Variants in SRBD1 observed in about 807,000 individuals in gnomAD.
SRBD1 encodes S1 RNA binding domain 1.
Under a neutral mutation model 115.3 loss-of-function variants are expected in SRBD1, and 88 were observed. That is an observed-to-expected ratio of 0.76 (90% CI 0.64 to 0.91). The LOEUF is 0.91. Among genes scored for constraint, SRBD1 ranks in the 40% least tolerant of loss-of-function variants. The pLI, the probability that SRBD1 is intolerant of heterozygous loss-of-function variation, is 0.00. For synonymous variants in SRBD1, 509 were observed against 407.7 expected (o/e 1.25, Z -2.99); for missense variants, 1,385 against 1,177.4 (o/e 1.18, Z -2.58).
intron 16 of SRBD1, among the ~76,000 whole-genome samples, chr2:45,453,897 T>C (rs1347482743): frequency 6.6e-6 from 1 of 151,992 alleles, no homozygotes; most frequent in African/African-American, 2.4e-5. Flanking sequence ...GCAACTTTAG[T>C]AGGACAAATG....
At chr2:45,445,579 A>AAAAAG (rs1668798323) in intron 16 of SRBD1, among the ~76,000 whole-genome samples, 20 of 145,964 alleles carry the variant, frequency 1.4e-4, no homozygotes, top group African/African-American at 5.1e-4. Flanking sequence ...AAAAAAAAAA[A>AAAAAG]GTAGAAAAGG....
chr2:45,404,640 T>G lies in SRBD1; in HGVS notation c.2513+8474A>C, dbSNP rs193216316. Among the ~76,000 whole-genome samples, 834 of 152,312 alleles carry G rather than the reference T, an allele frequency of 5.5e-3. 21 individuals are homozygous for G. The highest frequency in any genetic ancestry group is 0.041 in the Admixed American group (625 of 15,280). Reference sequence around the variant, plus strand: ...TATCATCTGGATCTCAGTCATCATCTTTCTCTTGGATTACAGCAATTAGTT... The same window carrying G: ...TATCATCTGGATCTCAGTCATCATCGTTCTCTTGGATTACAGCAATTAGTT... On this transcript the variant is annotated intron_variant, in intron 19 of 20. Coordinates refer to ENST00000263736, the MANE Select transcript of SRBD1 (RefSeq NM_018079.5).
At chr2:45,574,790 T>A in intron 7 of SRBD1, 67 bp from the exon 8 acceptor site, 2 of 1,285,448 alleles carry the variant, frequency 1.6e-6, no homozygotes, top group Non-Finnish European at 2.2e-6. Context: ...ATTCTATAAC[T>A]AAATCACAGT....
At chr2:45,577,823 TA>T (rs565049381) in intron 7 of SRBD1, among the ~76,000 whole-genome samples, 1,785 of 148,202 alleles carry the variant, frequency 0.012, 42 homozygotes, top group African/African-American at 0.039. Flanking sequence ...CTATCAAACT[TA>T]AAAAAAAAAG....
chr2:45,528,748 G>C (rs1671526184), intron 14 of SRBD1, among the ~76,000 whole-genome samples: 1 of 151,852 alleles, frequency 6.6e-6, no homozygotes, highest in Non-Finnish European at 1.5e-5. Flanking sequence ...AAAATATCTG[G>C]AGTGTTGTCT....
At chr2:45,452,676 T>C (rs577051049) in intron 16 of SRBD1, among the ~76,000 whole-genome samples, 5 of 152,144 alleles carry the variant, frequency 3.3e-5, no homozygotes, top group Admixed American at 2.6e-4. Context: ...CCTAGTACTA[T>C]AGCATTCATA....
At chr2:45,543,404 T>C (rs891766820) in intron 14 of SRBD1, among the ~76,000 whole-genome samples, 1 of 152,198 alleles carries the variant, frequency 6.6e-6, no homozygotes, top group African/African-American at 2.4e-5. Flanking sequence ...TGGCATTTGT[T>C]AACCTATGGC....
At chr2:45,541,672 C>G (rs930221876) in intron 14 of SRBD1, among the ~76,000 whole-genome samples, 1 of 152,164 alleles carries the variant, frequency 6.6e-6, no homozygotes. Context: ...CAGGTTATCC[C>G]AATGAGTGTC....
chr2:45,431,793 C>G (rs924767510), intron 16 of SRBD1, among the ~76,000 whole-genome samples: 4 of 151,672 alleles, frequency 2.6e-5, no homozygotes, highest in Admixed American at 6.6e-5. Context: ...AAAACAAAAA[C>G]AAACCAGTAG....
chr2:45,524,575 TAA>T (rs1352387707), intron 14 of SRBD1, among the ~76,000 whole-genome samples: 1 of 151,908 alleles, frequency 6.6e-6, no homozygotes, highest in East Asian at 1.9e-4. Context: ...TATTTAGGAA[TAA>T]AGTTAACAAA....
At chr2:45,555,801 C>G (rs1672457119) in intron 10 of SRBD1, among the ~76,000 whole-genome samples, 1 of 152,046 alleles carries the variant, frequency 6.6e-6, no homozygotes, top group Admixed American at 6.5e-5. Flanking sequence ...CCATTAAACT[C>G]TTTTCTCTGC....
intron 19 of SRBD1, among the ~76,000 whole-genome samples, chr2:45,411,253 A>G (rs1346466368): frequency 6.6e-6 from 1 of 152,202 alleles, no homozygotes; most frequent in Admixed American, 6.5e-5. Flanking sequence ...TATTTTGGTG[A>G]CCAGAGGCCA....
intron 14 of SRBD1, among the ~76,000 whole-genome samples, chr2:45,501,984 C>A (rs963019559): frequency 2.6e-5 from 4 of 152,202 alleles, no homozygotes; most frequent in African/African-American, 9.6e-5. Flanking sequence ...AACGGACAGA[C>A]TGCCTCCTCA....
chr2:45,568,669 A>G (rs1308096035), intron 9 of SRBD1, among the ~76,000 whole-genome samples: 1 of 152,214 alleles, frequency 6.6e-6, no homozygotes, highest in Non-Finnish European at 1.5e-5. Context: ...TAAAATGCAG[A>G]GCCCAATAAA....
At chr2:45,601,020 G>T (rs1674075489) in intron 3 of SRBD1, among the ~76,000 whole-genome samples, 1 of 152,138 alleles carries the variant, frequency 6.6e-6, no homozygotes, top group Non-Finnish European at 1.5e-5. Context: ...GATCAGAGCA[G>T]AGACATAAAG....
At chr2:45,536,066 A>C (rs1169320212) in intron 14 of SRBD1, among the ~76,000 whole-genome samples, 4 of 152,038 alleles carry the variant, frequency 2.6e-5, no homozygotes, top group Non-Finnish European at 5.9e-5. Flanking sequence ...AAATTAATTT[A>C]CTTTTAGTTC....
chr2:45,477,988 A>G (rs1455001093), intron 15 of SRBD1, among the ~76,000 whole-genome samples: 1 of 149,790 alleles, frequency 6.7e-6, no homozygotes, highest in African/African-American at 2.5e-5. Context: ...ACCAAATATC[A>G]ATAAAAATTC....
At chr2:45,584,821 C>A (rs758464683) in intron 5 of SRBD1, among the ~76,000 whole-genome samples, 3 of 152,090 alleles carry the variant, frequency 2.0e-5, no homozygotes, top group Admixed American at 6.6e-5. Flanking sequence ...ACAAAACTTA[C>A]AATCCACTAT....
At chr2:45,460,180 G>A (rs1180635152) in intron 16 of SRBD1, among the ~76,000 whole-genome samples, 2 of 152,250 alleles carry the variant, frequency 1.3e-5, no homozygotes, top group African/African-American at 4.8e-5. Flanking sequence ...CTAGCTGACT[G>A]GGCTGGATGT....
Sources: gnomAD v4.1 joint callset for allele counts (sites outside exome capture counted in the v4.1 genomes callset) on GRCh38, gnomAD v4.1.1 for gene constraint, MANE v1.5 for transcripts, NCBI Gene and HGNC (gene_info 2026-07-23, HGNC 2026-07-21) for gene names.